Variants in KIF2A observed in about 807,000 individuals in gnomAD.
KIF2A encodes kinesin-like protein KIF2A.
In KIF2A, 22 loss-of-function variants were observed where a neutral mutation model predicts 100.2. The observed-to-expected ratio is 0.22, with a 90% confidence interval of 0.16 to 0.31. KIF2A has a LOEUF of 0.31. KIF2A is among the 10% of genes least tolerant of loss of function. KIF2A has a pLI of 1.00. For missense variants in KIF2A, 495 were observed against 898.7 expected, an observed-to-expected ratio of 0.55 and a Z score of 5.74; for synonymous variants, 268 against 285.9, an observed-to-expected ratio of 0.94 and a Z score of 0.63.
intron 16 of KIF2A, among the ~76,000 whole-genome samples, chr5:62,367,091 C>A (rs575050804): frequency 6.6e-6 from 1 of 152,198 alleles, no homozygotes; most frequent in South Asian, 2.1e-4. Flanking sequence ...CATGCAAATT[C>A]TTCTTATTAC....
At chr5:62,333,332 T>C (rs12659777) in intron 1 of KIF2A, among the ~76,000 whole-genome samples, 37,697 of 152,056 alleles carry the variant, frequency 0.25, 4,766 homozygotes, top group Middle Eastern at 0.3. Flanking sequence ...CAAAACTGTT[T>C]GTGAGGCTGA....
chr5:62,385,574 G>C lies in KIF2A; in HGVS notation c.*5G>C. On this transcript the variant is annotated 3_prime_UTR_variant, in exon 21 of 21. Transcript: ENST00000407818. The stretch of plus-strand genomic sequence containing the variant: ...AAGAGACCCCGTGCCCTTTAAACCG[G>C]CATTTGCTGCTAAAGGATACCCAGA... 1.3e-6 allele frequency: 2 copies of C among 1,574,864 alleles called. No homozygotes were observed. Among genetic ancestry groups the C allele is most frequent in the South Asian group, 1.2e-5 (1 of 86,082 alleles).
chr5:62,342,605 G>C (rs1257962860), intron 1 of KIF2A, among the ~76,000 whole-genome samples: 4 of 152,120 alleles, frequency 2.6e-5, no homozygotes, highest in Non-Finnish European at 5.9e-5. Context: ...GTCTTGCTCT[G>C]AAGCACCCTA....
chr5:62,334,727 C>T (rs1004296955), intron 1 of KIF2A, among the ~76,000 whole-genome samples: 11 of 152,154 alleles, frequency 7.2e-5, no homozygotes, highest in African/African-American at 2.7e-4. Context: ...GCCAGTGTCA[C>T]CCACCCTGTC....
rs1740898035 is a variant in KIF2A, at chr5:62,363,313, A to G, written c.1255A>G (p.Ser419Gly). The G allele has an allele frequency of 6.2e-7, 1 of 1,610,702 alleles. No homozygotes were observed. The highest frequency in any genetic ancestry group is 8.5e-7 in the Non-Finnish European group (1 of 1,178,920). ...DVLKLIDIGNSCRTSGQTSAN... is the reference protein window; with the variant it reads ...DVLKLIDIGNGCRTSGQTSAN... Reference sequence around the variant, plus strand: ...ACTGAAACTCATTGACATAGGCAACAGTTGCAGGTAAATCTCATTTTGATT... The same window carrying G: ...ACTGAAACTCATTGACATAGGCAACGGTTGCAGGTAAATCTCATTTTGATT... The change falls in exon 13 of 21, where the codon AGT becomes GGT. Residue 419 changes from serine (S) to glycine (G), a missense_variant. Ser to Gly is a moderately conservative substitution (Grantham distance 56). Around this residue, in one of 10 missense-constraint regions of KIF2A, gnomAD observed 38 missense variants for 99.5 expected, o/e 0.38. Coordinates refer to ENST00000407818, the MANE Select transcript of KIF2A (RefSeq NM_001098511.3).
At chr5:62,308,749 G>C (rs1370400042) in intron 1 of KIF2A, among the ~76,000 whole-genome samples, 1 of 152,156 alleles carries the variant, frequency 6.6e-6, no homozygotes, top group African/African-American at 2.4e-5. Flanking sequence ...GAACGAAACA[G>C]TGGTTACTAC....
At chr5:62,382,512 T>C (rs1459079022) in intron 20 of KIF2A, among the ~76,000 whole-genome samples, 1 of 152,204 alleles carries the variant, frequency 6.6e-6, no homozygotes, top group Admixed American at 6.5e-5. Flanking sequence ...TATATACACG[T>C]TGAGTATCCC....
chr5:62,343,688 A>G (rs1747412473), intron 1 of KIF2A, among the ~76,000 whole-genome samples: 1 of 152,194 alleles, frequency 6.6e-6, no homozygotes, highest in Non-Finnish European at 1.5e-5. Context: ...GGAAGCAGGA[A>G]GACTAGTTGG....
intron 9 of KIF2A, among the ~76,000 whole-genome samples, chr5:62,359,289 ACTGT>A (rs1347325245): frequency 1.3e-5 from 2 of 152,130 alleles, no homozygotes; most frequent in Admixed American, 1.3e-4. Flanking sequence ...TAGGAATATT[ACTGT>A]CTTTGTAATT....
intron 19 of KIF2A, among the ~76,000 whole-genome samples, chr5:62,380,190 A>T (rs1205151188): frequency 1.3e-5 from 2 of 152,146 alleles, no homozygotes; most frequent in Non-Finnish European, 2.9e-5. Context: ...CACCATGCCC[A>T]GCTGGAATTT....
Position 62,321,085 on chromosome 5 carries a change from G to A in KIF2A, c.64+14549G>A, listed in dbSNP as rs77515138. Among the ~76,000 whole-genome samples the A allele has an allele frequency of 6.7e-3, 1,016 of 152,198 alleles. 19 individuals are homozygous for A. The highest frequency in any genetic ancestry group is 0.023 in the African/African-American group (972 of 41,528). Reference sequence around the variant, plus strand: ...GTCACTTAGCATAATCCATACTCAAGTTTATCAGTATAGTAACATATTTCA... The same window carrying A: ...GTCACTTAGCATAATCCATACTCAAATTTATCAGTATAGTAACATATTTCA... On this transcript the variant is annotated intron_variant, in intron 1 of 20. Coordinates refer to ENST00000407818, the MANE Select transcript of KIF2A (RefSeq NM_001098511.3).
In KIF2A at chr5:62,388,299, A is replaced by C; in HGVS notation, c.*2730A>C. The stretch of plus-strand genomic sequence containing the variant: ...ATAGTTATCTCCCTAAGAACCATAA[A>C]AAAAGATAATTTTATTGTTAATTTC... On this transcript the variant is annotated 3_prime_UTR_variant, in exon 21 of 21. Coordinates refer to ENST00000407818, the MANE Select transcript of KIF2A (RefSeq NM_001098511.3). 6.6e-6 allele frequency: 1 copy of C among 152,320 alleles called. No individual in the cohort carries two copies. Among genetic ancestry groups the C allele is most frequent in the East Asian group, 1.9e-4 (1 of 5,194 alleles). 9.4% of individuals were successfully genotyped at this position (152,320 alleles called of 1,614,324 possible). A position where few individuals can be genotyped will look rare whatever the true frequency, so the allele number is the denominator to read the frequency against.
At chr5:62,359,705 T>C (rs1748294006) in intron 9 of KIF2A, among the ~76,000 whole-genome samples, 1 of 152,146 alleles carries the variant, frequency 6.6e-6, no homozygotes, top group African/African-American at 2.4e-5. Flanking sequence ...TTAGTAAACA[T>C]TGTGTTTTTA....
intron 2 of KIF2A, 41 bp from the exon 3 acceptor site, chr5:62,348,007 A>G (rs1320585384): frequency 6.3e-7 from 1 of 1,586,622 alleles, no homozygotes; most frequent in Non-Finnish European, 8.6e-7. Flanking sequence ...TTAATTGTCA[A>G]AATATACTCT....
chr5:62,321,448 A>G (rs1308642746), intron 1 of KIF2A, among the ~76,000 whole-genome samples: 1 of 152,136 alleles, frequency 6.6e-6, no homozygotes, highest in Non-Finnish European at 1.5e-5. Flanking sequence ...TTTTTATTAT[A>G]GCCGTCCTGG....
chr5:62,357,991 TAGTG>T (rs1748201600), intron 8 of KIF2A, 142 bp from the exon 9 acceptor site: 5 of 689,030 alleles, frequency 7.3e-6, no homozygotes, highest in Non-Finnish European at 9.5e-6. Context: ...TATTTTGTCT[TAGTG>T]AGTTGCATTT....
intron 1 of KIF2A, among the ~76,000 whole-genome samples, chr5:62,323,182 T>G (rs1746191068): frequency 6.7e-6 from 1 of 149,838 alleles, no homozygotes; most frequent in Admixed American, 6.7e-5. Context: ...CTTGAACCCG[T>G]GAGGTGGAGG....
At chr5:62,334,977 G>A (rs181649087) in intron 1 of KIF2A, among the ~76,000 whole-genome samples, 8 of 152,318 alleles carry the variant, frequency 5.3e-5, no homozygotes, top group Non-Finnish European at 7.3e-5. Flanking sequence ...AGTTCAGCAT[G>A]GAGAGCCCAT....
chr5:62,360,754 T>G (rs542573715), intron 9 of KIF2A, among the ~76,000 whole-genome samples: 1 of 152,244 alleles, frequency 6.6e-6, no homozygotes, highest in Non-Finnish European at 1.5e-5. Flanking sequence ...GAGTGTCAAC[T>G]TACTAATAGA....
Sources: gnomAD v4.1 joint callset for allele counts (sites outside exome capture counted in the v4.1 genomes callset) on GRCh38, gnomAD v4.1.1 for gene constraint, gnomAD v4.1.1 regional missense constraint, MANE v1.5 for transcripts, NCBI Gene and HGNC (gene_info 2026-07-23, HGNC 2026-07-21) for gene names.